DNAH9: variants seen among roughly 807,000 people sequenced by gnomAD.
DNAH9 encodes the protein DNAH9 variant protein.
Under a neutral mutation model 471.6 loss-of-function variants are expected in DNAH9, and 345 were observed. The ratio of observed to expected loss-of-function variants is 0.73; its 90% CI spans 0.67 to 0.80. The LOEUF (loss-of-function observed/expected upper bound fraction) is 0.80. Ranked by LOEUF, DNAH9 falls within the 30% of genes least tolerant of loss-of-function variation. The pLI is 0.00. For synonymous variants in DNAH9, 2,093 were observed against 2,123.6 expected (o/e 0.99, Z 0.40); for missense variants, 5,407 against 5,609.2 (o/e 0.96, Z 1.15).
chr17:11,891,530 A>T (rs185486977), intron 57 of DNAH9, among the ~76,000 whole-genome samples: 5 of 152,118 alleles, frequency 3.3e-5, no homozygotes, highest in Admixed American at 1.3e-4. Flanking sequence ...TACACCTGCT[A>T]ATTTTTGTGC....
At chr17:11,772,952 A>G (rs915262612) in intron 38 of DNAH9, among the ~76,000 whole-genome samples, 13 of 152,218 alleles carry the variant, frequency 8.5e-5, no homozygotes, top group African/African-American at 3.1e-4. Context: ...AGTGCAAACA[A>G]TCTTGATTAT....
At chr17:11,942,921 A>G in intron 67 of DNAH9, among the ~76,000 whole-genome samples, 1 of 138,542 alleles carries the variant, frequency 7.2e-6, no homozygotes. Context: ...TTTGAGACAG[A>G]GTCTTGCTCT....
Position 11,611,854 on chromosome 17 carries a change from G to C in DNAH9, c.904+74G>C, listed in dbSNP as rs8082586. On this transcript the variant is annotated intron_variant, in intron 4 of 68. Transcript: ENST00000262442. ...TCGAATGATGCATTCACCTCTCTCTGTCTGAATTCCGCAACTTCAAGTCCT... is the reference window on the plus strand; with the variant it reads ...TCGAATGATGCATTCACCTCTCTCTCTCTGAATTCCGCAACTTCAAGTCCT... The C allele has an allele frequency of 0.042, 61,984 of 1,488,254 alleles. 1,504 individuals are homozygous for C. The highest frequency in any genetic ancestry group is 0.072 in the African/African-American group (5,232 of 72,452). The allele number at this position is 1,488,254 out of a possible 1,614,324, so 92.2% of individuals were successfully genotyped here.
chr17:11,652,434 C>T (rs960414087), intron 13 of DNAH9, among the ~76,000 whole-genome samples: 1 of 151,782 alleles, frequency 6.6e-6, no homozygotes, highest in South Asian at 2.1e-4. Context: ...TACAGGCACC[C>T]ACCACCCCAC....
At chr17:11,789,105 T>A (rs1211628296) in intron 41 of DNAH9, among the ~76,000 whole-genome samples, 3 of 152,080 alleles carry the variant, frequency 2.0e-5, no homozygotes, top group Non-Finnish European at 2.9e-5. Flanking sequence ...TGCTCTTTTT[T>A]AAATATTTTC....
intron 10 of DNAH9, among the ~76,000 whole-genome samples, chr17:11,641,210 AATGG>A (rs1453784356): frequency 6.6e-6 from 1 of 151,942 alleles, no homozygotes; most frequent in Non-Finnish European, 1.5e-5. Context: ...AGGCCAGACA[AATGG>A]ATGGCCAGGA....
rs148521182 is a variant in DNAH9 at position 11,893,387 on chromosome 17, T to C, written c.11284-987T>C. ...CCAAGACGCAATCCAAAACTACTTATAGGAAAGACACATACACACGTATGT... is the reference window on the plus strand; with the variant it reads ...CCAAGACGCAATCCAAAACTACTTACAGGAAAGACACATACACACGTATGT... On this transcript the variant is annotated intron_variant, in intron 58 of 68. Transcript: ENST00000262442. 1.0e-3 allele frequency among the ~76,000 whole-genome samples: 155 copies of C among 152,132 alleles called. 1 individual carries two copies. The highest frequency in any genetic ancestry group is 3.4e-3 in the African/African-American group (143 of 41,500).
chr17:11,714,037 T>A (rs960829821), intron 26 of DNAH9, among the ~76,000 whole-genome samples: 19 of 152,272 alleles, frequency 1.2e-4, no homozygotes, highest in African/African-American at 4.3e-4. Context: ...TCATAACCAG[T>A]TGGTATAAGG....
In DNAH9 at chr17:11,872,172, A is replaced by G. The variant is rs1367699631; in HGVS notation, c.10242+386A>G. ...AGTCAGGGGACGTTCCATTTCCCAG[A>G]TCCTACATTGCACCTTGTTACTGGG... On this transcript the variant is annotated intron_variant, in intron 52 of 68. Coordinates refer to ENST00000262442, the MANE Select transcript of DNAH9 (RefSeq NM_001372.4). Among the ~76,000 whole-genome samples, 13 of 152,314 alleles carry G rather than the reference A, an allele frequency of 8.5e-5. No individual in the cohort carries two copies. In the East Asian group the frequency reaches 2.1e-3, roughly 25 times the overall value.
intron 32 of DNAH9, among the ~76,000 whole-genome samples, chr17:11,750,528 TG>T (rs1378796096): frequency 6.6e-6 from 1 of 152,164 alleles, no homozygotes; most frequent in Non-Finnish European, 1.5e-5. Context: ...AAAATGTAAT[TG>T]GCTACAGAGA....
chr17:11,887,227 A>T (rs1026474819), intron 57 of DNAH9, among the ~76,000 whole-genome samples: 1 of 152,196 alleles, frequency 6.6e-6, no homozygotes, highest in East Asian at 1.9e-4. Context: ...GTAGGCACAC[A>T]TGATACAGTA....
Position 11,953,539 on chromosome 17 carries a change from C to T in DNAH9, c.12844-8328C>T, listed in dbSNP as rs138391338. Among the ~76,000 whole-genome samples, 329 of 152,162 alleles carry T rather than the reference C, an allele frequency of 2.2e-3. 1 individual carries two copies. Among genetic ancestry groups the T allele is most frequent in the African/African-American group, 6.7e-3 (279 of 41,514 alleles). On this transcript the variant is annotated intron_variant, in intron 67 of 68. Coordinates refer to ENST00000262442, the MANE Select transcript of DNAH9 (RefSeq NM_001372.4). ...AAAGAAGTGCTGACAAGGCCAGGTGCGGTGGCTCATGCCTGTAATCCCAGC... is the reference window on the plus strand; with the variant it reads ...AAAGAAGTGCTGACAAGGCCAGGTGTGGTGGCTCATGCCTGTAATCCCAGC...
In DNAH9 at chr17:11,719,549, A is replaced by G. The variant is rs2075019762; in HGVS notation, c.5709+59A>G. ...TGGGGGATAGGAACTCAGGGCACCA[A>G]ATCAAGGCTAAGACGCATCCGTGCC... On this transcript the variant is annotated intron_variant, in intron 27 of 68. Coordinates refer to ENST00000262442, the MANE Select transcript of DNAH9 (RefSeq NM_001372.4). 4 of 1,525,248 alleles carry G rather than the reference A, an allele frequency of 2.6e-6. No individual in the cohort carries two copies. The South Asian group carries it at 4.8e-5, about 18-fold the overall frequency. 94.5% of individuals were successfully genotyped at this position (1,525,248 alleles called of 1,614,324 possible).
At chr17:11,744,466 G>T (rs1296839811) in intron 30 of DNAH9, among the ~76,000 whole-genome samples, 1 of 152,122 alleles carries the variant, frequency 6.6e-6, no homozygotes, top group Non-Finnish European at 1.5e-5. Context: ...AGTTAACATG[G>T]CTCCCTCCTT....
rs1307715767 is a variant in DNAH9 at position 11,874,945 on chromosome 17, C to T, written c.10243-4C>T. 6.2e-7 allele frequency: 1 copy of T among 1,609,676 alleles called. No individual in the cohort carries two copies. Among genetic ancestry groups the T allele is most frequent in the South Asian group, 1.1e-5 (1 of 90,982 alleles). On this transcript the variant is annotated splice_region_variant and splice_polypyrimidine_tract_variant and intron_variant, in intron 52 of 68. Transcript: ENST00000262442. The stretch of plus-strand genomic sequence containing the variant: ...AGCGTGGGGTGGTGTTTCTTCTTCA[C>T]CAGACTCCCATTCCAGTCACCCCAG...
intron 14 of DNAH9, among the ~76,000 whole-genome samples, chr17:11,658,977 G>C (rs62060825): frequency 1.3e-5 from 2 of 151,626 alleles, no homozygotes; most frequent in Non-Finnish European, 2.9e-5. Flanking sequence ...TTCTTGTTTC[G>C]GTGTTAAGAT....
intron 28 of DNAH9, among the ~76,000 whole-genome samples, chr17:11,731,656 T>C (rs1430897033): frequency 6.6e-6 from 1 of 150,806 alleles, no homozygotes; most frequent in African/African-American, 2.4e-5. Context: ...GGTGTTTGGT[T>C]TTTTGTCCTT....
chr17:11,756,495 C>A, intron 33 of DNAH9, 73 bp from the exon 34 acceptor site: 1 of 851,488 alleles, frequency 1.2e-6, no homozygotes, highest in South Asian at 1.4e-5. Context: ...CAATAATAAT[C>A]AGCCAAATCC....
chr17:11,860,723 G>T (rs1046373100), intron 50 of DNAH9, among the ~76,000 whole-genome samples: 3 of 152,086 alleles, frequency 2.0e-5, no homozygotes, highest in Admixed American at 2.0e-4. Context: ...CACCATGCCC[G>T]GCTAATTTTG....
Sources: gnomAD v4.1 joint callset for allele counts (sites outside exome capture counted in the v4.1 genomes callset) on GRCh38, gnomAD v4.1.1 for gene constraint, MANE v1.5 for transcripts, NCBI Gene and HGNC (gene_info 2026-07-23, HGNC 2026-07-21) for gene names.